The following DLGAP2 variants were observed in gnomAD, a reference collection of about 807,000 sequenced individuals.
The protein encoded by DLGAP2 is DLG associated protein 2.
A neutral mutation model predicts 100.3 loss-of-function variants in DLGAP2; 26 were observed. The observed-to-expected ratio is 0.26, with a 90% confidence interval of 0.19 to 0.36. DLGAP2 has a LOEUF of 0.36. DLGAP2 is among the 10% of genes least tolerant of loss of function. The probability of loss-of-function intolerance (pLI) is 1.00; values close to 1 mark genes in which losing one functional copy is unlikely to be tolerated. For synonymous variants in DLGAP2, 886 were observed against 630.1 expected, an observed-to-expected ratio of 1.41 and a Z score of -6.08; for missense variants, 1,858 against 1,453.2, an observed-to-expected ratio of 1.28 and a Z score of -4.53.
At chr8:1,473,725 C>T (rs976057319) in intron 3 of DLGAP2, among the ~76,000 whole-genome samples, 19 of 152,264 alleles carry the variant, frequency 1.2e-4, no homozygotes, top group African/African-American at 4.6e-4. Context: ...AGTGGGAGAT[C>T]ACTGAATCAT....
chr8:1,004,464 G>C (rs1012895371), intron 2 of DLGAP2, among the ~76,000 whole-genome samples: 1 of 152,186 alleles, frequency 6.6e-6, no homozygotes, highest in African/African-American at 2.4e-5. Flanking sequence ...GATTTGGCTT[G>C]ACTTGGAGTA....
chr8:1,473,517 G>A (rs1040244714), intron 3 of DLGAP2, among the ~76,000 whole-genome samples: 16 of 152,318 alleles, frequency 1.1e-4, no homozygotes, highest in African/African-American at 3.8e-4. Flanking sequence ...GAACTGAAGG[G>A]AAAAAGCTGC....
chr8:766,350 A>G (rs767269157), intron 1 of DLGAP2, among the ~76,000 whole-genome samples: 1 of 152,246 alleles, frequency 6.6e-6, no homozygotes, highest in Non-Finnish European at 1.5e-5. Context: ...TTGTTGGTCA[A>G]CCCTCGTGTG....
chr8:971,945 C>T (rs766924512), intron 2 of DLGAP2, among the ~76,000 whole-genome samples: 37 of 152,244 alleles, frequency 2.4e-4, no homozygotes, highest in African/African-American at 7.9e-4. Flanking sequence ...TAGCATTGTT[C>T]GGTGGCTCTT....
intron 3 of DLGAP2, among the ~76,000 whole-genome samples, chr8:1,423,499 G>C (rs1374765575): frequency 6.6e-6 from 1 of 152,210 alleles, no homozygotes; most frequent in Admixed American, 6.5e-5. Context: ...TCTGGCACCA[G>C]CTTGTCAAGG....
intron 3 of DLGAP2, among the ~76,000 whole-genome samples, chr8:1,367,709 C>G (rs1185407178): frequency 6.6e-6 from 1 of 152,170 alleles, no homozygotes; most frequent in Non-Finnish European, 1.5e-5. Context: ...GTGTTTAATG[C>G]GTGTCTCATT....
chr8:986,663 T>TTA (rs936300331), intron 2 of DLGAP2, among the ~76,000 whole-genome samples: 8 of 31,160 alleles, frequency 2.6e-4, no homozygotes, highest in Non-Finnish European at 4.6e-4. Flanking sequence ...CTGTATTTGA[T>TTA]TTTTTTTTTT....
intron 2 of DLGAP2, among the ~76,000 whole-genome samples, chr8:1,257,389 C>T (rs1034464281): frequency 1.4e-4 from 21 of 152,040 alleles, no homozygotes; most frequent in Admixed American, 6.5e-4. Flanking sequence ...TTTAATGTTC[C>T]GCTCCCTCCT....
intron 1 of DLGAP2, among the ~76,000 whole-genome samples, chr8:784,742 CA>C (rs1445242210): frequency 6.6e-6 from 1 of 152,224 alleles, no homozygotes; most frequent in Non-Finnish European, 1.5e-5. Flanking sequence ...CACACGGGCC[CA>C]TGCCTGTGAA....
chr8:1,681,502 T>A (rs7835584), intron 12 of DLGAP2, among the ~76,000 whole-genome samples: 10,211 of 151,830 alleles, frequency 0.067, 389 homozygotes, highest in South Asian at 0.097. Context: ...AATTAACATT[T>A]TAAAAAGTAG....
intron 1 of DLGAP2, among the ~76,000 whole-genome samples, chr8:783,911 A>G (rs987664889): frequency 6.6e-6 from 1 of 152,198 alleles, no homozygotes; most frequent in Non-Finnish European, 1.5e-5. Flanking sequence ...TTAAAAGAGG[A>G]TATCATAGCG....
intron 2 of DLGAP2, among the ~76,000 whole-genome samples, chr8:923,456 C>T (rs1355726789): frequency 6.6e-6 from 1 of 152,222 alleles, no homozygotes; most frequent in African/African-American, 2.4e-5. Context: ...TTTTAATTAC[C>T]TTCCGCCCAG....
chr8:875,320 A>G lies in DLGAP2; in HGVS notation c.19-32592A>G, dbSNP rs552873478. On this transcript the variant is annotated intron_variant, in intron 1 of 14. Transcript: ENST00000637795. ...CCTCATATGTCTCTGATATGGTTTG[A>G]CTGTGTCCCCACCCAAATCTCATCT... is the stretch of plus-strand genomic sequence containing the variant. Among the ~76,000 whole-genome samples the G allele has an allele frequency of 2.5e-3, 374 of 152,160 alleles. 1 individual carries two copies. Among genetic ancestry groups the G allele is most frequent in the African/African-American group, 8.7e-3 (359 of 41,486 alleles).
chr8:1,595,811 G>C (rs1220312211), intron 6 of DLGAP2, among the ~76,000 whole-genome samples: 2 of 151,730 alleles, frequency 1.3e-5, no homozygotes, highest in Non-Finnish European at 2.9e-5. Context: ...TTAGTAGTCT[G>C]AACTAAGTGC....
At chr8:1,041,131 A>G (rs1802335511) in intron 2 of DLGAP2, among the ~76,000 whole-genome samples, 1 of 152,200 alleles carries the variant, frequency 6.6e-6, no homozygotes, top group Non-Finnish European at 1.5e-5. Context: ...GGATATGGTT[A>G]ATTTTAAATA....
intron 3 of DLGAP2, among the ~76,000 whole-genome samples, chr8:1,318,108 C>A (rs1175581557): frequency 1.1e-5 from 1 of 93,222 alleles, no homozygotes; most frequent in African/African-American, 4.1e-5. Context: ...CAGCGTCTCT[C>A]CAACAGTGGT....
At chr8:1,061,066 G>C (rs1200047406) in intron 2 of DLGAP2, among the ~76,000 whole-genome samples, 2 of 152,194 alleles carry the variant, frequency 1.3e-5, no homozygotes, top group East Asian at 3.9e-4. Flanking sequence ...CGAATTCCCT[G>C]ATGCACCCTA....
chr8:1,222,408 C>A (rs117867494), intron 2 of DLGAP2, among the ~76,000 whole-genome samples: 4,234 of 152,246 alleles, frequency 0.028, 61 homozygotes, highest in Middle Eastern at 0.082. Context: ...TAGGACCAGT[C>A]CCATGGCTTT....
intron 4 of DLGAP2, among the ~76,000 whole-genome samples, chr8:1,515,642 A>C (rs573936622): frequency 6.6e-6 from 1 of 152,148 alleles, no homozygotes; most frequent in African/African-American, 2.4e-5. Context: ...AAGCACACAC[A>C]CATGCAGACA....
Sources: allele counts gnomAD v4.1 joint callset (sites outside exome capture counted in the v4.1 genomes callset), GRCh38; gene constraint gnomAD v4.1.1; transcripts MANE v1.5; gene names NCBI Gene and HGNC (gene_info 2026-07-23, HGNC 2026-07-21).